The following FIBCD1 variants were observed in gnomAD, a reference collection of about 807,000 sequenced individuals.
FIBCD1 encodes fibrinogen C domain containing 1.
Under a neutral mutation model 45.1 loss-of-function variants are expected in FIBCD1, and 47 were observed. That is an observed-to-expected ratio of 1.04 (90% CI 0.82 to 1.33). FIBCD1 has a LOEUF of 1.33. Among genes scored for constraint, FIBCD1 ranks in the 40% most tolerant of loss-of-function variants. The pLI is 0.00. For missense variants in FIBCD1, 653 were observed against 682.2 expected (o/e 0.96, Z 0.48); for synonymous variants, 313 against 308.1 (o/e 1.02, Z -0.17).
At chr9:130,908,930 C>T (rs1300037890) in intron 5 of FIBCD1, among the ~76,000 whole-genome samples, 1 of 152,102 alleles carries the variant, frequency 6.6e-6, no homozygotes, top group Non-Finnish European at 1.5e-5. Context: ...CCTCACCACC[C>T]CAACCCTGCC....
At chr9:130,912,886 A>AC (rs1347756355) in intron 4 of FIBCD1, among the ~76,000 whole-genome samples, 16 of 151,638 alleles carry the variant, frequency 1.1e-4, no homozygotes, top group Admixed American at 6.6e-5. Context: ...AACCAAGAGC[A>AC]CCCCCCACAC....
In FIBCD1 at chr9:130,911,830, C is replaced by T. The variant is rs1190126995; in HGVS notation, c.908G>A (p.Arg303Gln). The change falls in exon 5 of 7, where the codon CGA becomes CAA. Residue 303 changes from arginine (R) to glutamine (Q), a missense_variant. By Grantham distance (43) the Arg-to-Gln change is conservative (BLOSUM62 1). Transcript: ENST00000372338. ...CCCGGTGAGCCTGCCAAAGCCGTCT[C>T]GGTACGCATCCCAGCCCCGGAAGAA... ...VNFFRGWDAY[R>Q]DGFGRLTGEH... is the part of the protein sequence containing the mutation. 14 of 1,604,700 alleles carry T rather than the reference C, an allele frequency of 8.7e-6. No homozygotes were observed. The highest frequency in any genetic ancestry group is 2.7e-5 in the African/African-American group (2 of 74,682).
chr9:130,939,941 C>T (rs1832593389), upstream of FIBCD1, among the ~76,000 whole-genome samples: 1 of 151,634 alleles, frequency 6.6e-6, no homozygotes, highest in Non-Finnish European at 1.5e-5. Flanking sequence ...AGCCCGCCGG[C>T]CGCCCCTCCT....
At chr9:130,914,572 G>A (rs796707529) in intron 4 of FIBCD1, among the ~76,000 whole-genome samples, 23 of 152,366 alleles carry the variant, frequency 1.5e-4, no homozygotes, top group African/African-American at 5.3e-4. Flanking sequence ...GCCAGTGGGC[G>A]TGCCCAACCA....
chr9:130,925,803 G>T (rs1832348380), intron 2 of FIBCD1, among the ~76,000 whole-genome samples: 1 of 152,234 alleles, frequency 6.6e-6, no homozygotes, highest in Non-Finnish European at 1.5e-5. Flanking sequence ...TGGCCAGCCA[G>T]TGAGCATGGA....
intron 4 of FIBCD1, among the ~76,000 whole-genome samples, chr9:130,923,500 C>T (rs1832296650): frequency 6.6e-6 from 1 of 152,144 alleles, no homozygotes; most frequent in Non-Finnish European, 1.5e-5. Context: ...CTCAGGGAGC[C>T]CAAGGTGGCT....
chr9:130,930,163 G>A (rs906371535), intron 1 of FIBCD1, 117 bp from the exon 2 acceptor site: 6 of 1,284,806 alleles, frequency 4.7e-6, no homozygotes, highest in South Asian at 1.6e-5. Context: ...GGGCAAGGGC[G>A]TGGCACAGAG....
rs1832570555 is a variant in FIBCD1, at chr9:130,939,010, C to T, written c.-403G>A. 2 of 152,188 alleles carry T rather than the reference C, an allele frequency of 1.3e-5. No individual in the cohort carries two copies. The highest frequency in any genetic ancestry group is 1.5e-5 in the Non-Finnish European group (1 of 68,084). The allele number at this position is 152,188 out of a possible 1,614,324, so 9.4% of individuals were successfully genotyped here. On this transcript the variant is annotated 5_prime_UTR_variant, in exon 1 of 7. Coordinates refer to ENST00000372338, the MANE Select transcript of FIBCD1 (RefSeq NM_032843.5). ...CTCCCCCGACACACTCACACACACG[C>T]GCGCGCTCACACCCGCGGACTTGGA... is the stretch of plus-strand genomic sequence containing the variant.
intron 5 of FIBCD1, among the ~76,000 whole-genome samples, chr9:130,908,837 T>C (rs955113486): frequency 2.0e-5 from 3 of 152,098 alleles, no homozygotes; most frequent in Non-Finnish European, 4.4e-5. Flanking sequence ...GAGAGGGCCC[T>C]GCTCTCATGG....
chr9:130,924,448 G>C (rs1392661818), intron 2 of FIBCD1, 52 bp from the exon 3 acceptor site: 1 of 1,523,060 alleles, frequency 6.6e-7, no homozygotes, highest in Admixed American at 2.0e-5. Context: ...TTGGGGGTGG[G>C]GTGGCGCACA....
At chr9:130,924,997 C>G (rs1027574915) in intron 2 of FIBCD1, among the ~76,000 whole-genome samples, 15 of 152,196 alleles carry the variant, frequency 9.9e-5, no homozygotes, top group Non-Finnish European at 1.8e-4. Context: ...CTTCCGATCC[C>G]GAGCAAGGCT....
At chr9:130,929,473 G>A in intron 2 of FIBCD1, 94 bp downstream of exon 2, 1 of 1,424,554 alleles carries the variant, frequency 7.0e-7, no homozygotes, top group Non-Finnish European at 9.2e-7. Flanking sequence ...TGGGGATTAA[G>A]TGAGGCCATG....
rs571721599 is a variant in FIBCD1, at chr9:130,923,684, G to T, written c.849+60C>A. ...AGCTGCTCGGAATGCCCGGGTTCAG[G>T]TACACAGCCTCACGGTCCCCGGTGC... On this transcript the variant is annotated intron_variant, in intron 4 of 6. Transcript: ENST00000372338. 3.8e-5 allele frequency: 61 copies of T among 1,588,902 alleles called. No homozygotes were observed. The South Asian group carries it at 6.2e-4, about 16-fold the overall frequency.
At chr9:130,918,925 C>T (rs773962384) in intron 4 of FIBCD1, among the ~76,000 whole-genome samples, 6 of 152,230 alleles carry the variant, frequency 3.9e-5, no homozygotes, top group Admixed American at 6.5e-5. Context: ...GGACGGCGCA[C>T]AGTAGGCCTA....
intron 5 of FIBCD1, among the ~76,000 whole-genome samples, chr9:130,908,908 G>A (rs1283062571): frequency 6.6e-6 from 1 of 152,090 alleles, no homozygotes; most frequent in Non-Finnish European, 1.5e-5. Context: ...TGCACACAGA[G>A]GGGCGGCCCC....
At chr9:130,920,139 G>A (rs901879536) in intron 4 of FIBCD1, among the ~76,000 whole-genome samples, 6 of 151,526 alleles carry the variant, frequency 4.0e-5, no homozygotes, top group Non-Finnish European at 8.9e-5. Context: ...AAGAAGGGAC[G>A]TGACCCTGGC....
chr9:130,932,441 C>G (rs1832457389), intron 1 of FIBCD1, among the ~76,000 whole-genome samples: 1 of 152,224 alleles, frequency 6.6e-6, no homozygotes, highest in South Asian at 2.1e-4. Context: ...GGGCCGCGTC[C>G]ATTCCGGGCT....
chr9:130,938,457 A>C, intron 1 of FIBCD1, 79 bp downstream of exon 1: 1 of 1,263,572 alleles, frequency 7.9e-7, no homozygotes, highest in South Asian at 1.7e-5. Context: ...AGCCCCCGCA[A>C]TGGGTGCTCG....
At chr9:130,938,433 G>T in intron 1 of FIBCD1, 103 bp downstream of exon 1, 3 of 992,130 alleles carry the variant, frequency 3.0e-6, no homozygotes, top group Non-Finnish European at 4.1e-6. Context: ...TCGAAGGGGT[G>T]CGCCCCAAAC....
Sources: gnomAD v4.1 joint callset for allele counts (sites outside exome capture counted in the v4.1 genomes callset) on GRCh38, gnomAD v4.1.1 for gene constraint, MANE v1.5 for transcripts, NCBI Gene and HGNC (gene_info 2026-07-23, HGNC 2026-07-21) for gene names.